The following GLS variants were observed in gnomAD, a reference collection of about 807,000 sequenced individuals.
GLS encodes the protein glutaminase, also known as glutaminase kidney isoform, mitochondrial.
In GLS, 36 loss-of-function variants were observed where a neutral mutation model predicts 86.7. The ratio of observed to expected loss-of-function variants is 0.42; its 90% CI spans 0.32 to 0.55. GLS has a LOEUF of 0.55. Ranked by LOEUF, GLS falls within the 20% of genes least tolerant of loss-of-function variation. The pLI is 0.17. For synonymous variants in GLS, 317 were observed against 305.9 expected (o/e 1.04, Z -0.38); for missense variants, 528 against 833.4 (o/e 0.63, Z 4.51).
rs145921383 is a variant in GLS at position 190,946,396 on chromosome 2, A to G, written c.1651-7169A>G. On this transcript the variant is annotated intron_variant, in intron 14 of 17. Coordinates refer to ENST00000320717, the MANE Select transcript of GLS (RefSeq NM_014905.5). ...TCATGATGGTTTATTTAACAGTTGA[A>G]GAAAAGTATCTATTCCATGACAACA... 4.1e-3 allele frequency among the ~76,000 whole-genome samples: 619 copies of G among 152,338 alleles called. 4 individuals are homozygous for G. Among genetic ancestry groups the G allele is most frequent in the Non-Finnish European group, 6.5e-3 (440 of 68,016 alleles).
At position 190,964,237 on chromosome 2, in the gene GLS, A is replaced by G. The variant is rs1419758919; in HGVS notation, c.*1251A>G. 1.3e-5 allele frequency: 2 copies of G among 152,068 alleles called. No homozygotes were observed. Among genetic ancestry groups the G allele is most frequent in the African/African-American group, 4.8e-5 (2 of 41,398 alleles). 9.4% of individuals were successfully genotyped at this position (152,068 alleles called of 1,614,324 possible). A position where few individuals can be genotyped will look rare whatever the true frequency, so the allele number is the denominator to read the frequency against. ...GGGTAAAAGGGGCTTCAAAAAACGG[A>G]TAGAACAGGATTTTCTAGGAGTTAC... is the stretch of plus-strand genomic sequence containing the variant. On this transcript the variant is annotated 3_prime_UTR_variant, in exon 18 of 18. Coordinates refer to ENST00000320717, the MANE Select transcript of GLS (RefSeq NM_014905.5). This position sits in a 1 kb window ranked among gnomAD's most constrained non-coding sequence, Gnocchi z 5.2.
intron 12 of GLS, among the ~76,000 whole-genome samples, chr2:190,929,973 G>T (rs965754663): frequency 6.6e-6 from 1 of 152,018 alleles, no homozygotes; most frequent in South Asian, 2.1e-4. Flanking sequence ...AGCCTCCCGA[G>T]TAGTTGGGAC....
rs912174872 is a variant in GLS, at chr2:190,921,314, A to G, written c.1130+111A>G. On this transcript the variant is annotated intron_variant, in intron 9 of 17. Transcript: ENST00000320717. The surrounding 1 kb of genome is among the most constrained non-coding windows in gnomAD (Gnocchi z 4.2). ...GAATGATTTCTAAATTACCTGACAG[A>G]AACACTTAAAAATACTTTAAATAGT... is the stretch of plus-strand genomic sequence containing the variant. 4.1e-5 allele frequency: 32 copies of G among 784,278 alleles called. No individual in the cohort carries two copies. In the Middle Eastern group the frequency reaches 1.0e-3, roughly 25 times the overall value. The allele number at this position is 784,278 out of a possible 1,614,324, so 48.6% of individuals were successfully genotyped here.
intron 3 of GLS, among the ~76,000 whole-genome samples, chr2:190,899,072 A>C (rs1688851999): frequency 1.3e-5 from 2 of 152,242 alleles, no homozygotes; most frequent in African/African-American, 4.8e-5. Flanking sequence ...AGATATAAAT[A>C]CTGGTTTAAG....
rs1003269949 is a variant in GLS, at chr2:190,951,533, G to A, written c.1651-2032G>A. The stretch of plus-strand genomic sequence containing the variant: ...CAAGAACAGGGCATCTAGAGGATAA[G>A]TGTTTGAAGGAATAGATAAAAAGTA... On this transcript the variant is annotated intron_variant, in intron 14 of 17. Transcript: ENST00000320717. This position sits in a 1 kb window ranked among gnomAD's most constrained non-coding sequence, Gnocchi z 4.2. 1.3e-5 allele frequency among the ~76,000 whole-genome samples: 2 copies of A among 152,146 alleles called. No homozygotes were observed. Among genetic ancestry groups the A allele is most frequent in the Admixed American group, 6.6e-5 (1 of 15,264 alleles).
chr2:190,913,169 A>G lies in GLS; in HGVS notation c.1038+2848A>G, dbSNP rs1368517329. ...AAGACTCTTGATTTCATAATTTTGTAGTATTGATATTTTTTCCTTGTAGGA... is the reference window on the plus strand; with the variant it reads ...AAGACTCTTGATTTCATAATTTTGTGGTATTGATATTTTTTCCTTGTAGGA... On this transcript the variant is annotated intron_variant, in intron 7 of 17. Coordinates refer to ENST00000320717, the MANE Select transcript of GLS (RefSeq NM_014905.5). The surrounding 1 kb of genome is among the most constrained non-coding windows in gnomAD (Gnocchi z 6.1). 7.7e-7 allele frequency: 1 copy of G among 1,296,292 alleles called. No individual in the cohort carries two copies. Among genetic ancestry groups the G allele is most frequent in the Non-Finnish European group, 1.0e-6 (1 of 981,892 alleles). 80.3% of individuals were successfully genotyped at this position (1,296,292 alleles called of 1,614,324 possible).
intron 12 of GLS, among the ~76,000 whole-genome samples, chr2:190,929,727 C>T (rs1392451989): frequency 6.6e-6 from 1 of 152,140 alleles, no homozygotes; most frequent in Non-Finnish European, 1.5e-5. Context: ...ACCTCGGCCT[C>T]CCAGAGTGCT....
At chr2:190,908,522 A>T (rs1480866053) in intron 6 of GLS, among the ~76,000 whole-genome samples, 1 of 152,252 alleles carries the variant, frequency 6.6e-6, no homozygotes, top group Admixed American at 6.5e-5. Context: ...TTGTCAGTAT[A>T]ACACGCTCTG....
chr2:190,881,650 C>A (rs1332598665), intron 1 of GLS, 180 bp downstream of exon 1: 1 of 572,596 alleles, frequency 1.7e-6, no homozygotes, highest in Non-Finnish European at 2.9e-6. Flanking sequence ...CCGCGCCTTC[C>A]CCGCCCGCAA....
rs977754202 is a variant in GLS at position 190,913,816 on chromosome 2, T to G, written c.1038+3495T>G. The G allele has an allele frequency of 1.2e-6, 1 of 829,892 alleles. No homozygotes were observed. The highest frequency in any genetic ancestry group is 1.5e-6 in the Non-Finnish European group (1 of 688,220). 51.4% of individuals were successfully genotyped at this position (829,892 alleles called of 1,614,324 possible). On this transcript the variant is annotated intron_variant, in intron 7 of 17. Transcript: ENST00000320717. This position sits in a 1 kb window ranked among gnomAD's most constrained non-coding sequence, Gnocchi z 6.1. ...CTCAGAGTTTTTTGTTTTTTGTTTT[T>G]TAGAGACAAGGTCTCTCTCTGTTGC...
chr2:190,904,861 T>A (rs1689078560), intron 5 of GLS, 143 bp from the exon 6 acceptor site: 1 of 622,248 alleles, frequency 1.6e-6, no homozygotes, highest in Non-Finnish European at 2.8e-6. Flanking sequence ...TTAAATTTAT[T>A]CTGTAATTTT....
At chr2:190,958,104 A>C (rs939637849) in intron 17 of GLS, among the ~76,000 whole-genome samples, 1 of 152,176 alleles carries the variant, frequency 6.6e-6, no homozygotes, top group Admixed American at 6.5e-5. Context: ...TTACTGCCTC[A>C]ATTTCAGAAC....
chr2:190,881,497 G>T (rs780073821), intron 1 of GLS, 27 bp downstream of exon 1: 1 of 1,532,762 alleles, frequency 6.5e-7, no homozygotes, highest in Non-Finnish European at 8.8e-7. Context: ...GGCGCAGGAG[G>T]CCTCGTTCCT....
At chr2:190,937,614 G>T (rs1008621547) in intron 14 of GLS, among the ~76,000 whole-genome samples, 2 of 151,364 alleles carry the variant, frequency 1.3e-5, no homozygotes, top group Non-Finnish European at 3.0e-5. Context: ...GAGAGGAAGA[G>T]AATTTAAGTT....
At chr2:190,881,566 G>T (rs1688184491) in intron 1 of GLS, 96 bp downstream of exon 1, 2 of 1,178,414 alleles carry the variant, frequency 1.7e-6, no homozygotes, top group South Asian at 1.5e-5. Flanking sequence ...AGGAGCCGAG[G>T]GTCTAGAAAA....
Position 190,953,686 on chromosome 2 carries a change from C to A in GLS, c.1712+60C>A. On this transcript the variant is annotated intron_variant, in intron 15 of 17. Transcript: ENST00000320717. The surrounding 1 kb of genome is among the most constrained non-coding windows in gnomAD (Gnocchi z 4.0). Reference sequence around the variant, plus strand: ...AGATATTTATGAAGTTGCTTCTGGGCGAGCAGCCATTTTAAGGTTAAAGTC... The same window carrying A: ...AGATATTTATGAAGTTGCTTCTGGGAGAGCAGCCATTTTAAGGTTAAAGTC... The A allele has an allele frequency of 1.7e-6, 2 of 1,147,828 alleles. No individual in the cohort carries two copies. The highest frequency in any genetic ancestry group is 1.3e-5 in the South Asian group (1 of 76,782). 71.1% of individuals were successfully genotyped at this position (1,147,828 alleles called of 1,614,324 possible). A position where few individuals can be genotyped will look rare whatever the true frequency, so the allele number is the denominator to read the frequency against.
chr2:190,896,806 C>CT (rs1226952968), intron 3 of GLS, among the ~76,000 whole-genome samples: 11 of 152,122 alleles, frequency 7.2e-5, no homozygotes, highest in African/African-American at 2.7e-4. Flanking sequence ...CCAGAACCTG[C>CT]TTTTTAAGAG....
At chr2:190,958,612 C>T (rs568152986) in intron 17 of GLS, among the ~76,000 whole-genome samples, 3 of 152,144 alleles carry the variant, frequency 2.0e-5, no homozygotes, top group Admixed American at 6.5e-5. Flanking sequence ...GATTCTGGTA[C>T]GTTTTGTCTT....
intron 4 of GLS, 88 bp downstream of exon 4, chr2:190,900,781 G>GC: frequency 1.0e-6 from 1 of 991,980 alleles, no homozygotes; most frequent in Non-Finnish European, 1.5e-6. Context: ...TTGTGTAGTT[G>GC]TGTTTTGCTA....
Sources: gnomAD v4.1 joint callset for allele counts (sites outside exome capture counted in the v4.1 genomes callset) on GRCh38, gnomAD v4.1.1 for gene constraint, Gnocchi (gnomAD v3.1) non-coding constraint, MANE v1.5 for transcripts, NCBI Gene and HGNC (gene_info 2026-07-23, HGNC 2026-07-21) for gene names.